CPEB3: variants seen among roughly 807,000 people sequenced by gnomAD.
The protein encoded by CPEB3 is cytoplasmic polyadenylation element-binding protein 3.
CPEB3 carries 20 observed loss-of-function variants against 67.2 expected under a neutral mutation model. That is an observed-to-expected ratio of 0.30 (90% CI 0.21 to 0.43). CPEB3 has a LOEUF of 0.43. Among genes scored for constraint, CPEB3 ranks in the 20% least tolerant of loss-of-function variants. The pLI, the probability that CPEB3 is intolerant of heterozygous loss-of-function variation, is 1.00. For synonymous variants in CPEB3, 376 were observed against 393.1 expected (o/e 0.96, Z 0.51); for missense variants, 746 against 968.6 (o/e 0.77, Z 3.05).
intron 4 of CPEB3, among the ~76,000 whole-genome samples, chr10:92,175,575 C>T (rs564454765): frequency 4.7e-4 from 72 of 152,214 alleles, no homozygotes; most frequent in African/African-American, 1.7e-3. Flanking sequence ...GCGTGTGACA[C>T]TTTTTAAAGT....
At chr10:92,279,693 C>A (rs1224280303) in intron 1 of CPEB3, among the ~76,000 whole-genome samples, 1 of 151,874 alleles carries the variant, frequency 6.6e-6, no homozygotes, top group Non-Finnish European at 1.5e-5. Flanking sequence ...GGTAAAGAAC[C>A]TTGCCAGGAG....
chr10:92,244,395 T>C (rs961457615), intron 1 of CPEB3, among the ~76,000 whole-genome samples: 4 of 152,058 alleles, frequency 2.6e-5, no homozygotes, highest in Non-Finnish European at 5.9e-5. Flanking sequence ...TAGTGTTACA[T>C]TGCATAAGAC....
chr10:92,227,797 T>TA (rs1253201123), intron 2 of CPEB3, among the ~76,000 whole-genome samples: 1 of 152,208 alleles, frequency 6.6e-6, no homozygotes. Context: ...TTCACTGTGT[T>TA]AGCCAGGATG....
chr10:92,248,786 A>G (rs1852172714), intron 1 of CPEB3, among the ~76,000 whole-genome samples: 1 of 152,208 alleles, frequency 6.6e-6, no homozygotes, highest in Non-Finnish European at 1.5e-5. Flanking sequence ...TGTTTCTCCA[A>G]GATTATAATA....
At chr10:92,094,786 C>G (rs1843780176) in intron 7 of CPEB3, among the ~76,000 whole-genome samples, 1 of 150,724 alleles carries the variant, frequency 6.6e-6, no homozygotes, top group Non-Finnish European at 1.5e-5. Flanking sequence ...TTTCCTGACA[C>G]TGTGAGAACA....
intron 7 of CPEB3, among the ~76,000 whole-genome samples, chr10:92,094,144 T>C (rs1461373278): frequency 6.6e-6 from 1 of 151,748 alleles, no homozygotes; most frequent in Non-Finnish European, 1.5e-5. Flanking sequence ...AGCGAGCCAC[T>C]GTGCCCGGCC....
intron 4 of CPEB3, among the ~76,000 whole-genome samples, chr10:92,160,236 C>T (rs557281306): frequency 1.3e-5 from 2 of 152,060 alleles, no homozygotes; most frequent in African/African-American, 2.4e-5. Flanking sequence ...TGAGCCACCG[C>T]GCCCAGCTGA....
At chr10:92,166,468 G>C (rs1434062739) in intron 4 of CPEB3, among the ~76,000 whole-genome samples, 4 of 152,086 alleles carry the variant, frequency 2.6e-5, no homozygotes, top group Non-Finnish European at 5.9e-5. Flanking sequence ...TTGATCCATG[G>C]GCTGTAGAAT....
intron 7 of CPEB3, among the ~76,000 whole-genome samples, chr10:92,097,063 C>A (rs1033797317): frequency 2.0e-5 from 3 of 152,160 alleles, no homozygotes; most frequent in Non-Finnish European, 2.9e-5. Context: ...TAGGGTCAGA[C>A]AGGTAGTGCA....
intron 1 of CPEB3, among the ~76,000 whole-genome samples, chr10:92,284,303 C>A (rs890433560): frequency 6.6e-6 from 1 of 151,818 alleles, no homozygotes; most frequent in African/African-American, 2.4e-5. Flanking sequence ...TCCCAAAGTG[C>A]TGGGATTACA....
At chr10:92,232,383 G>A (rs1851312382) in intron 2 of CPEB3, among the ~76,000 whole-genome samples, 1 of 151,936 alleles carries the variant, frequency 6.6e-6, no homozygotes, top group African/African-American at 2.4e-5. Flanking sequence ...GATACCTGCA[G>A]ATCAAAACAC....
At chr10:92,234,158 G>A (rs1851414130) in intron 2 of CPEB3, among the ~76,000 whole-genome samples, 1 of 148,804 alleles carries the variant, frequency 6.7e-6, no homozygotes, top group Non-Finnish European at 1.5e-5. Flanking sequence ...CAGACAGAAA[G>A]TATGGAATAA....
chr10:92,195,293 C>A (rs574896552), intron 2 of CPEB3, among the ~76,000 whole-genome samples: 3 of 152,306 alleles, frequency 2.0e-5, no homozygotes, highest in Non-Finnish European at 4.4e-5. Context: ...TATCTCTCCC[C>A]TTGGATAGGA....
chr10:92,286,379 G>A (rs1842526521), intron 1 of CPEB3, among the ~76,000 whole-genome samples: 2 of 152,124 alleles, frequency 1.3e-5, no homozygotes, highest in African/African-American at 2.4e-5. Context: ...GAGGTCAGGA[G>A]TTCAAGACCA....
chr10:92,078,238 C>T (rs918564176), intron 9 of CPEB3, among the ~76,000 whole-genome samples: 1 of 152,132 alleles, frequency 6.6e-6, no homozygotes, highest in Admixed American at 6.6e-5. Context: ...CCATCTGACT[C>T]GGGACCAGTG....
intron 4 of CPEB3, among the ~76,000 whole-genome samples, chr10:92,154,075 G>A (rs893324978): frequency 9.2e-5 from 14 of 152,280 alleles, no homozygotes; most frequent in South Asian, 4.1e-4. Flanking sequence ...TAGTTTCATG[G>A]AGAGCATAAA....
intron 4 of CPEB3, among the ~76,000 whole-genome samples, chr10:92,159,974 G>T (rs566819891): frequency 6.9e-6 from 1 of 144,666 alleles, no homozygotes; most frequent in African/African-American, 2.6e-5. Flanking sequence ...ATGGAGTCTC[G>T]TTCACTCTGT....
intron 7 of CPEB3, among the ~76,000 whole-genome samples, chr10:92,093,436 G>GGAATTT (rs1285162907): frequency 9.9e-5 from 15 of 152,048 alleles, no homozygotes; most frequent in Non-Finnish European, 2.1e-4. Context: ...TAGCACCTGT[G>GGAATTT]GCAATTATAC....
intron 2 of CPEB3, among the ~76,000 whole-genome samples, chr10:92,196,760 C>T (rs949602251): frequency 1.9e-4 from 28 of 146,588 alleles, no homozygotes; most frequent in Admixed American, 1.1e-3. Flanking sequence ...GAGCAAGACT[C>T]CGTCTCAAAA....
Sources: gnomAD v4.1 joint callset for allele counts (sites outside exome capture counted in the v4.1 genomes callset) on GRCh38, gnomAD v4.1.1 for gene constraint, MANE v1.5 for transcripts, NCBI Gene and HGNC (gene_info 2026-07-23, HGNC 2026-07-21) for gene names.